Variants in GMEB2 observed in about 807,000 individuals in gnomAD.
GMEB2 encodes the protein glucocorticoid modulatory element binding protein 2, also known as glucocorticoid modulatory element-binding protein 2.
In GMEB2, 7 loss-of-function variants were observed where a neutral mutation model predicts 45.7. The observed-to-expected ratio is 0.15, with a 90% CI of 0.09 to 0.29. GMEB2 has a LOEUF of 0.29. Among genes scored for constraint, GMEB2 ranks in the 10% least tolerant of loss-of-function variants. The pLI is 1.00. For synonymous variants in GMEB2, 322 were observed against 323.6 expected, an observed-to-expected ratio of 1.00 and a Z score of 0.05; for missense variants, 582 against 739.2, an observed-to-expected ratio of 0.79 and a Z score of 2.47.
intron 2 of GMEB2, among the ~76,000 whole-genome samples, chr20:63,612,543 T>G (rs2089578590): frequency 6.6e-6 from 1 of 152,128 alleles, no homozygotes; most frequent in African/African-American, 2.4e-5. Context: ...ACAGAAATGA[T>G]CTCAACGTTT....
chr20:63,606,790 C>T (rs1299775453), intron 2 of GMEB2, among the ~76,000 whole-genome samples: 1 of 152,194 alleles, frequency 6.6e-6, no homozygotes, highest in African/African-American at 2.4e-5. Context: ...AACAGGGAAA[C>T]GCAAAGGCCC....
chr20:63,623,261 C>T (rs1480226715), intron 1 of GMEB2, among the ~76,000 whole-genome samples: 1 of 152,130 alleles, frequency 6.6e-6, no homozygotes, highest in African/African-American at 2.4e-5. Context: ...TAGGACAGAG[C>T]GCCTAAGGGG....
intron 2 of GMEB2, among the ~76,000 whole-genome samples, chr20:63,605,177 T>C (rs2089509226): frequency 6.6e-6 from 1 of 151,504 alleles, no homozygotes; most frequent in South Asian, 2.1e-4. Context: ...AGGCAGAGAT[T>C]GCAGTGAGCC....
chr20:63,613,489 G>A (rs557311628), intron 2 of GMEB2, among the ~76,000 whole-genome samples: 1 of 151,620 alleles, frequency 6.6e-6, no homozygotes, highest in Non-Finnish European at 1.5e-5. Flanking sequence ...AGACAACTGT[G>A]CAGGATTTTA....
Position 63,595,761 on chromosome 20 carries a change from G to A in GMEB2, c.468C>T (p.Ile156=). Residue 156 remains isoleucine, a synonymous_variant, in exon 6 of 10, where the codon ATC becomes ATT. Coordinates refer to ENST00000370077, the MANE Select transcript of GMEB2 (RefSeq NM_012384.5). ...AGAAGTCCAGTTCCCCGGAGTCCAT[G>A]ATCTTCCTGTGACAGACAGTGGCAT... ...IRMNGIMLRK[I]MDSGELDFYQ... is the part of the protein sequence containing the mutation. The A allele has an allele frequency of 6.2e-7, 1 of 1,613,958 alleles. No homozygotes were observed. The highest frequency in any genetic ancestry group is 8.5e-7 in the Non-Finnish European group (1 of 1,179,858).
chr20:63,591,901 C>T, intron 9 of GMEB2, 121 bp downstream of exon 9: 2 of 809,718 alleles, frequency 2.5e-6, no homozygotes, highest in Non-Finnish European at 1.9e-6. Context: ...TGCGGAGAAG[C>T]TCGCCGTGGT....
chr20:63,612,984 C>T (rs1246536481), intron 2 of GMEB2, among the ~76,000 whole-genome samples: 1 of 151,254 alleles, frequency 6.6e-6, no homozygotes, highest in Non-Finnish European at 1.5e-5. Context: ...TTTTCGGAGA[C>T]GCAGTCTCAC....
intron 2 of GMEB2, among the ~76,000 whole-genome samples, chr20:63,607,586 C>G (rs1461573651): frequency 2.8e-5 from 1 of 35,624 alleles, no homozygotes; most frequent in East Asian, 3.7e-4. Flanking sequence ...ACCTCCATTT[C>G]TAGAAACATG....
At chr20:63,600,740 G>T (rs985417258) in intron 4 of GMEB2, among the ~76,000 whole-genome samples, 7 of 100,380 alleles carry the variant, frequency 7.0e-5, no homozygotes, top group Admixed American at 5.6e-4. Flanking sequence ...AAAAAAAAAA[G>T]ACGGAGCAGC....
intron 2 of GMEB2, among the ~76,000 whole-genome samples, chr20:63,618,333 C>G (rs966741799): frequency 6.6e-5 from 10 of 152,198 alleles, no homozygotes; most frequent in Non-Finnish European, 1.3e-4. Flanking sequence ...AGGTCCATGT[C>G]TTGCTCTGTG....
chr20:63,592,741 G>A lies in GMEB2; in HGVS notation c.692-71C>T. Reference sequence around the variant, plus strand: ...CACGGGGCAGCCACCACAGCCACAAGGACATCACCATAGCCACGAGGACAC... The same window carrying A: ...CACGGGGCAGCCACCACAGCCACAAAGACATCACCATAGCCACGAGGACAC... On this transcript the variant is annotated intron_variant, in intron 7 of 9. Coordinates refer to ENST00000370077, the MANE Select transcript of GMEB2 (RefSeq NM_012384.5). This position sits in a 1 kb window ranked among gnomAD's most constrained non-coding sequence, Gnocchi z 8.2. The A allele has an allele frequency of 7.9e-7, 1 of 1,259,634 alleles. No individual in the cohort carries two copies. Among genetic ancestry groups the A allele is most frequent in the Non-Finnish European group, 1.2e-6 (1 of 864,252 alleles). 78.0% of individuals were successfully genotyped at this position (1,259,634 alleles called of 1,614,324 possible). A position where few individuals can be genotyped will look rare whatever the true frequency, so the allele number is the denominator to read the frequency against.
Position 63,590,540 on chromosome 20 carries a change from T to C in GMEB2, c.1142A>G (p.Gln381Arg). ...GGGCACGCCCGGGCCAAGCGCCAGC[T>C]GGGCAGACTGGGTGAGCACCTGCGA... ...MASQVLTQSA[Q>R]LALGPGVPVP... The change falls in exon 10 of 10, where the codon CAG becomes CGG. Residue 381 changes from glutamine (Q) to arginine (R), a missense_variant. By Grantham distance (43) the Gln-to-Arg change is conservative (BLOSUM62 1). This residue lies in a region of GMEB2 where 462 missense variants were observed against 586.7 expected (regional missense o/e 0.79). Transcript: ENST00000370077. The C allele has an allele frequency of 6.5e-7, 1 of 1,532,968 alleles. No homozygotes were observed. Among genetic ancestry groups the C allele is most frequent in the Non-Finnish European group, 8.8e-7 (1 of 1,137,424 alleles). 95.0% of individuals were successfully genotyped at this position (1,532,968 alleles called of 1,614,324 possible).
At chr20:63,607,430 CCT>C (rs2089530156) in intron 2 of GMEB2, among the ~76,000 whole-genome samples, 1 of 21,410 alleles carries the variant, frequency 4.7e-5, no homozygotes, top group East Asian at 4.7e-4. Flanking sequence ...GAAACATGCC[CCT>C]GACCCCACCT....
At chr20:63,626,713 G>A (rs1268814274) in intron 1 of GMEB2, among the ~76,000 whole-genome samples, 1 of 150,266 alleles carries the variant, frequency 6.7e-6, no homozygotes, top group East Asian at 1.9e-4. Flanking sequence ...GCCCGCGCCC[G>A]CCCGCGGCGC....
chr20:63,611,760 G>A (rs1225774378), intron 2 of GMEB2, among the ~76,000 whole-genome samples: 3 of 152,216 alleles, frequency 2.0e-5, no homozygotes, highest in Non-Finnish European at 2.9e-5. Flanking sequence ...GCTCAAGCCT[G>A]TAACCCCAGT....
Position 63,592,872 on chromosome 20 carries a change from CT to C in GMEB2, c.691+138del. 1.4e-6 allele frequency: 1 copy of C among 721,406 alleles called. No individual in the cohort carries two copies. Among genetic ancestry groups the C allele is most frequent in the Non-Finnish European group, 2.4e-6 (1 of 408,688 alleles). The allele number at this position is 721,406 out of a possible 1,614,324, so 44.7% of individuals were successfully genotyped here. On this transcript the variant is annotated intron_variant, in intron 7 of 9. Coordinates refer to ENST00000370077, the MANE Select transcript of GMEB2 (RefSeq NM_012384.5). The surrounding 1 kb of genome is among the most constrained non-coding windows in gnomAD (Gnocchi z 8.2). Reference sequence around the variant, plus strand: ...CAGCCTCAGAGCGCCCACGACAATGCTGCTGGAACCAGGCCTTTCTCCACAA... The same window carrying C: ...CAGCCTCAGAGCGCCCACGACAATGCGCTGGAACCAGGCCTTTCTCCACAA...
At chr20:63,594,834 C>T (rs1249438222) in intron 6 of GMEB2, among the ~76,000 whole-genome samples, 4 of 152,100 alleles carry the variant, frequency 2.6e-5, no homozygotes, top group South Asian at 2.1e-4. Context: ...CTGCAACCTC[C>T]GCCTCCTGGG....
At chr20:63,624,699 C>T (rs2089659589) in intron 1 of GMEB2, among the ~76,000 whole-genome samples, 1 of 152,164 alleles carries the variant, frequency 6.6e-6, no homozygotes, top group Non-Finnish European at 1.5e-5. Context: ...CCATTGGCAA[C>T]TGCATACATA....
Position 63,604,851 on chromosome 20 carries a change from GA to G in GMEB2, c.132-12del. 1 of 1,485,066 alleles carries G rather than the reference GA, an allele frequency of 6.7e-7. No individual in the cohort carries two copies. The highest frequency in any genetic ancestry group is 9.4e-7 in the Non-Finnish European group (1 of 1,061,864). The allele number at this position is 1,485,066 out of a possible 1,614,324, so 92.0% of individuals were successfully genotyped here. A position where few individuals can be genotyped will look rare whatever the true frequency, so the allele number is the denominator to read the frequency against. On this transcript the variant is annotated splice_polypyrimidine_tract_variant and intron_variant, in intron 2 of 9. Coordinates refer to ENST00000370077, the MANE Select transcript of GMEB2 (RefSeq NM_012384.5). ...TCCGTCAGGTCGCCCCTGGTGAAGT[GA>G]AGGGAGGAGAGAATAGAATCAGGAT...
Sources: allele counts gnomAD v4.1 joint callset (sites outside exome capture counted in the v4.1 genomes callset), GRCh38; gene constraint gnomAD v4.1.1; regional missense constraint gnomAD v4.1.1; non-coding constraint Gnocchi (gnomAD v3.1); transcripts MANE v1.5; gene names NCBI Gene and HGNC (gene_info 2026-07-23, HGNC 2026-07-21).